Variants in KIAA1217 observed in about 807,000 individuals in gnomAD.
KIAA1217 encodes the protein KIAA1217.
In KIAA1217, 88 loss-of-function variants were observed where a neutral mutation model predicts 163.9. The ratio of observed to expected loss-of-function variants is 0.54; its 90% CI spans 0.45 to 0.64. KIAA1217 has a LOEUF of 0.64. Ranked by LOEUF, KIAA1217 falls within the 30% of genes least tolerant of loss-of-function variation. The pLI, the probability that KIAA1217 is intolerant of heterozygous loss-of-function variation, is 0.00. For synonymous variants in KIAA1217, 903 were observed against 923.1 expected (o/e 0.98, Z 0.39); for missense variants, 2,372 against 2,475.0 (o/e 0.96, Z 0.88).
chr10:23,862,362 G>C (rs1288240267), intron 1 of KIAA1217, among the ~76,000 whole-genome samples: 1 of 152,078 alleles, frequency 6.6e-6, no homozygotes, highest in African/African-American at 2.4e-5. Context: ...AGAATTGGAG[G>C]TCAAAAATTA....
chr10:24,322,403 T>C (rs1309019638), intron 2 of KIAA1217, among the ~76,000 whole-genome samples: 1 of 152,106 alleles, frequency 6.6e-6, no homozygotes, highest in Admixed American at 6.6e-5. Flanking sequence ...ACAAGTGGTG[T>C]AACCAATGTG....
chr10:23,754,948 A>C (rs927123339), intron 1 of KIAA1217, among the ~76,000 whole-genome samples: 4 of 147,120 alleles, frequency 2.7e-5, no homozygotes, highest in African/African-American at 8.1e-5. Flanking sequence ...AAGGAAAAGG[A>C]ATTAAAAAAA....
intron 1 of KIAA1217, among the ~76,000 whole-genome samples, chr10:23,736,948 TA>T (rs1038954444): frequency 6.6e-6 from 1 of 152,226 alleles, no homozygotes; most frequent in East Asian, 1.9e-4. Flanking sequence ...CCAAGATCCA[TA>T]AAAAAACACT....
At position 24,171,811 on chromosome 10, in the gene KIAA1217, CAAAT is replaced by C. The variant is rs373622825; in HGVS notation, c.-170-47806_-170-47803del. On this transcript the variant is annotated intron_variant, in intron 2 of 18. Transcript: ENST00000376462. Reference sequence around the variant, plus strand: ...TCAAAAAAGTAAATAAATAAATAAACAAATAAATAAATGAATAAATAAATAAAAA... The same window carrying C: ...TCAAAAAAGTAAATAAATAAATAAACAAATAAATGAATAAATAAATAAAAA... Among the ~76,000 whole-genome samples the C allele has an allele frequency of 6.7e-4, 101 of 151,574 alleles. 2 individuals carry two copies. The East Asian group carries it at 0.012, about 18-fold the overall frequency.
intron 2 of KIAA1217, among the ~76,000 whole-genome samples, chr10:24,090,164 C>CTTTTTTT (rs1162687231): frequency 1.6e-3 from 178 of 109,206 alleles, no homozygotes; most frequent in Non-Finnish European, 2.4e-3. Flanking sequence ...TTTTCTTTTT[C>CTTTTTTT]TTTTTTTTTT....
rs74780111 is a variant in KIAA1217, at chr10:24,294,580, C to T, written c.354+74671C>T. ...GACCACCGTGTATGCATTTAGTAAACACCAGCGTAGTCAGTGGATCTGTTT... is the reference window on the plus strand; with the variant it reads ...GACCACCGTGTATGCATTTAGTAAATACCAGCGTAGTCAGTGGATCTGTTT... On this transcript the variant is annotated intron_variant, in intron 2 of 20. Coordinates refer to ENST00000376454, the MANE Select transcript of KIAA1217 (RefSeq NM_019590.5). 2.3e-3 allele frequency among the ~76,000 whole-genome samples: 355 copies of T among 152,328 alleles called. 4 individuals carry two copies. The highest frequency in any genetic ancestry group is 8.3e-3 in the African/African-American group (346 of 41,568).
chr10:24,262,108 T>C (rs1316271467), intron 2 of KIAA1217, among the ~76,000 whole-genome samples: 2 of 151,556 alleles, frequency 1.3e-5, no homozygotes, highest in Admixed American at 1.3e-4. Flanking sequence ...AGGAATTGGG[T>C]TGTTATGGAA....
chr10:24,359,238 T>C (rs1220983884), intron 2 of KIAA1217, among the ~76,000 whole-genome samples: 3 of 151,942 alleles, frequency 2.0e-5, no homozygotes, highest in African/African-American at 7.3e-5. Context: ...TACAGGCGTG[T>C]GCCACAAAAC....
At position 24,528,065 on chromosome 10, in the gene KIAA1217, G is replaced by T; in HGVS notation, c.3028G>T (p.Ala1010Ser). Reference sequence around the variant, plus strand: ...AATACCAAATCTGGAGATGCCGCCAGCCACAGGCCCACTGCCAAGGGGAGA... The same window carrying T: ...AATACCAAATCTGGAGATGCCGCCATCCACAGGCCCACTGCCAAGGGGAGA... The part of the protein sequence containing the change: ...KSIPNLEMPP[A>S]TGPLPRGDAP... The change falls in exon 14 of 21, where the codon GCC (alanine) becomes TCC (serine). Residue 1010 changes from alanine (A) to serine (S), a missense_variant. This residue lies in a region of KIAA1217 where 1,431 missense variants were observed against 1,470.3 expected (regional missense o/e 0.97). Coordinates refer to ENST00000376454, the MANE Select transcript of KIAA1217 (RefSeq NM_019590.5). 6.2e-7 allele frequency: 1 copy of T among 1,614,182 alleles called. No individual in the cohort carries two copies. Among genetic ancestry groups the T allele is most frequent in the Middle Eastern group, 1.6e-4 (1 of 6,062 alleles).
At chr10:23,794,056 G>A (rs1394244429) in intron 1 of KIAA1217, among the ~76,000 whole-genome samples, 3 of 152,070 alleles carry the variant, frequency 2.0e-5, no homozygotes, top group Admixed American at 1.3e-4. Flanking sequence ...CTTTAACATC[G>A]TAAGATCATA....
chr10:23,837,450 G>C (rs929497507), intron 1 of KIAA1217, among the ~76,000 whole-genome samples: 2 of 152,188 alleles, frequency 1.3e-5, no homozygotes, highest in Non-Finnish European at 2.9e-5. Context: ...CTCTTCCAGA[G>C]CCATGCACCC....
Position 24,543,533 on chromosome 10 carries a change from G to A in KIAA1217, c.4263G>A (p.Glu1421=). Residue 1421 remains glutamate, a synonymous_variant, in exon 19 of 21, where the codon GAG becomes GAA. Transcript: ENST00000376454. The part of the protein sequence containing the change: ...IQTVNIDARK[E]MTPRQEGTDN... ...CGGTTAATATCGATGCCAGAAAAGA[G>A]ATGACCCCCCGACAAGAAGGGACTG... 1 of 1,614,124 alleles carries A rather than the reference G, an allele frequency of 6.2e-7. No individual in the cohort carries two copies. The highest frequency in any genetic ancestry group is 8.5e-7 in the Non-Finnish European group (1 of 1,180,034).
At chr10:23,731,259 G>A (rs1418040434) in intron 1 of KIAA1217, among the ~76,000 whole-genome samples, 2 of 152,166 alleles carry the variant, frequency 1.3e-5, no homozygotes, top group South Asian at 2.1e-4. Context: ...TACTCAATAA[G>A]CCATAGGAAA....
At chr10:24,339,246 A>C (rs1410254112) in intron 2 of KIAA1217, among the ~76,000 whole-genome samples, 1 of 152,120 alleles carries the variant, frequency 6.6e-6, no homozygotes, top group Non-Finnish European at 1.5e-5. Context: ...ATATGTTTCT[A>C]TTGGGTTGTA....
rs76339465 is a variant in KIAA1217, at chr10:24,019,749, T to C, written c.-171+12375T>C. 3.0e-3 allele frequency among the ~76,000 whole-genome samples: 451 copies of C among 152,036 alleles called. 4 individuals carry two copies. The highest frequency in any genetic ancestry group is 0.023 in the East Asian group (121 of 5,166). ...GGCCCTTGGATGATAGTTTGTTAAA[T>C]CCTAGACTAGGAAATCATAGAAAAT... On this transcript the variant is annotated intron_variant, in intron 2 of 18. Coordinates refer to the KIAA1217 transcript ENST00000376462.
intron 2 of KIAA1217, among the ~76,000 whole-genome samples, chr10:24,315,518 G>A (rs570815345): frequency 1.3e-5 from 2 of 152,248 alleles, no homozygotes; most frequent in South Asian, 4.1e-4. Flanking sequence ...CCTTCAGGAG[G>A]TTACTTCTTG....
chr10:23,749,347 C>G (rs1839608089), intron 1 of KIAA1217, among the ~76,000 whole-genome samples: 1 of 152,148 alleles, frequency 6.6e-6, no homozygotes, highest in Non-Finnish European at 1.5e-5. Flanking sequence ...ATGTCTCTTT[C>G]TCCAACTCCC....
At chr10:24,008,311 G>A (rs768319406) in intron 2 of KIAA1217, among the ~76,000 whole-genome samples, 3 of 152,048 alleles carry the variant, frequency 2.0e-5, no homozygotes, top group Non-Finnish European at 4.4e-5. Flanking sequence ...AAGGGCCTTC[G>A]ACATCATGGT....
At chr10:24,027,907 G>C (rs985547235) in intron 2 of KIAA1217, among the ~76,000 whole-genome samples, 1 of 152,064 alleles carries the variant, frequency 6.6e-6, no homozygotes, top group Non-Finnish European at 1.5e-5. Flanking sequence ...TAGATTGCCT[G>C]AGTTTCAAGT....
Sources: allele counts gnomAD v4.1 joint callset (sites outside exome capture counted in the v4.1 genomes callset), GRCh38; gene constraint gnomAD v4.1.1; regional missense constraint gnomAD v4.1.1; transcripts MANE v1.5; gene names NCBI Gene and HGNC (gene_info 2026-07-23, HGNC 2026-07-21).